SIPA1L3: variants seen among roughly 807,000 people sequenced by gnomAD.
The protein encoded by SIPA1L3 is signal-induced proliferation-associated 1-like protein 3.
Under a neutral mutation model 150.1 loss-of-function variants are expected in SIPA1L3, and 59 were observed. That is an observed-to-expected ratio of 0.39 (90% CI 0.32 to 0.49). The LOEUF (loss-of-function observed/expected upper bound fraction) is 0.49. Among genes scored for constraint, SIPA1L3 ranks in the 20% least tolerant of loss-of-function variants. SIPA1L3 has a pLI of 0.86. For synonymous variants in SIPA1L3, 1,070 were observed against 1,077.6 expected, an observed-to-expected ratio of 0.99 and a Z score of 0.14; for missense variants, 2,211 against 2,489.5, an observed-to-expected ratio of 0.89 and a Z score of 2.38.
chr19:37,992,712 C>T (rs1328166997), intron 1 of SIPA1L3, among the ~76,000 whole-genome samples: 1 of 152,086 alleles, frequency 6.6e-6, no homozygotes, highest in East Asian at 1.9e-4. Context: ...TGGTCAGCTA[C>T]TCCCCTTTGG....
At chr19:37,940,673 C>T (rs2046646179) in intron 1 of SIPA1L3, among the ~76,000 whole-genome samples, 2 of 152,032 alleles carry the variant, frequency 1.3e-5, no homozygotes, top group Non-Finnish European at 2.9e-5. Flanking sequence ...CTCCGTCTCC[C>T]GAGTTCAGGC....
At chr19:38,132,281 C>T (rs979762592) in intron 10 of SIPA1L3, among the ~76,000 whole-genome samples, 2 of 150,062 alleles carry the variant, frequency 1.3e-5, no homozygotes, top group Admixed American at 6.7e-5. Flanking sequence ...TCCTATTGGC[C>T]GGGTGTGGTG....
At chr19:38,086,863 A>C (rs1410629718) in intron 3 of SIPA1L3, among the ~76,000 whole-genome samples, 1 of 152,202 alleles carries the variant, frequency 6.6e-6, no homozygotes, top group Non-Finnish European at 1.5e-5. Flanking sequence ...GGTGGGGATC[A>C]GTGCATGGAA....
chr19:37,911,300 A>G (rs2046375396), intron 1 of SIPA1L3, among the ~76,000 whole-genome samples: 1 of 151,504 alleles, frequency 6.6e-6, no homozygotes, highest in African/African-American at 2.4e-5. Context: ...CTCCCATACC[A>G]TTCCCCAAAA....
intron 15 of SIPA1L3, among the ~76,000 whole-genome samples, chr19:38,169,119 T>G (rs1214866832): frequency 6.6e-6 from 1 of 152,208 alleles, no homozygotes; most frequent in African/African-American, 2.4e-5. Flanking sequence ...CCCGGCGCAG[T>G]GGCTCACGCC....
At chr19:38,011,310 A>G (rs542889248) in intron 1 of SIPA1L3, among the ~76,000 whole-genome samples, 1 of 152,076 alleles carries the variant, frequency 6.6e-6, no homozygotes, top group Admixed American at 6.6e-5. Context: ...CCCCCTCTCT[A>G]CAAAAAATAA....
chr19:38,052,844 C>T (rs1268950196), intron 2 of SIPA1L3, among the ~76,000 whole-genome samples: 1 of 152,212 alleles, frequency 6.6e-6, no homozygotes, highest in Non-Finnish European at 1.5e-5. Context: ...TTCCCCCTCC[C>T]ACACTCAGAG....
intron 16 of SIPA1L3, chr19:38,185,292 G>C (rs148646839): frequency 4.6e-5 from 7 of 152,344 alleles, no homozygotes; most frequent in Non-Finnish European, 8.8e-5. Flanking sequence ...CTGAACATAA[G>C]ACGTGTGGAT....
chr19:38,006,205 G>A (rs2145670320), intron 1 of SIPA1L3, among the ~76,000 whole-genome samples: 1 of 152,190 alleles, frequency 6.6e-6, no homozygotes, highest in Non-Finnish European at 1.5e-5. Flanking sequence ...CCAGGGTAGG[G>A]GTTGGGGACT....
At chr19:38,066,343 T>C (rs1200027015) in intron 2 of SIPA1L3, among the ~76,000 whole-genome samples, 1 of 152,086 alleles carries the variant, frequency 6.6e-6, no homozygotes, top group Non-Finnish European at 1.5e-5. Flanking sequence ...TACAGATACA[T>C]TGTATTCCCT....
intron 1 of SIPA1L3, among the ~76,000 whole-genome samples, chr19:37,958,059 C>T (rs1036331664): frequency 5.9e-5 from 9 of 152,272 alleles, no homozygotes; most frequent in Middle Eastern, 3.4e-3. Context: ...TAGGATGCCA[C>T]ACTTTGTATG....
At position 37,956,482 on chromosome 19, in the gene SIPA1L3, G is replaced by GTTTTTT. The variant is rs34804753; in HGVS notation, c.-379+49128_-379+49129insTTTTTT. Among the ~76,000 whole-genome samples, 15 of 126,894 alleles carry GTTTTTT rather than the reference G, an allele frequency of 1.2e-4. 1 individual carries two copies. Among genetic ancestry groups the GTTTTTT allele is most frequent in the East Asian group, 7.0e-4 (3 of 4,312 alleles). The allele number at this position is 126,894 out of a possible 152,430, so 83.2% of individuals were successfully genotyped here. A position where few individuals can be genotyped will look rare whatever the true frequency, so the allele number is the denominator to read the frequency against. Reference sequence around the variant, plus strand: ...TAGTCATGCCTTTGGAAGTATAAAAGTTTTGTTTTTTTTTTTTTTTGAGAC... The same window carrying GTTTTTT: ...TAGTCATGCCTTTGGAAGTATAAAAGTTTTTTTTTTGTTTTTTTTTTTTTTTGAGAC... On this transcript the variant is annotated intron_variant, in intron 1 of 21. Coordinates refer to ENST00000222345, the MANE Select transcript of SIPA1L3 (RefSeq NM_015073.3).
intron 8 of SIPA1L3, among the ~76,000 whole-genome samples, chr19:38,118,040 A>AT (rs1298160760): frequency 2.0e-5 from 3 of 151,994 alleles, no homozygotes; most frequent in Non-Finnish European, 2.9e-5. Context: ...TCCTTTATTA[A>AT]TTTTTTTTCT....
intron 3 of SIPA1L3, among the ~76,000 whole-genome samples, chr19:38,083,661 G>A (rs1970059951): frequency 6.6e-6 from 1 of 152,122 alleles, no homozygotes; most frequent in Admixed American, 6.5e-5. Flanking sequence ...TGTGCAAATT[G>A]CAGACACTGT....
chr19:38,001,776 A>G (rs1344921759), intron 1 of SIPA1L3, among the ~76,000 whole-genome samples: 2 of 152,260 alleles, frequency 1.3e-5, no homozygotes, highest in African/African-American at 4.8e-5. Context: ...GATAAAATGT[A>G]CATAACACAA....
chr19:38,109,792 GA>G, intron 7 of SIPA1L3: 1 of 163,772 alleles, frequency 6.1e-6, no homozygotes, highest in Admixed American at 5.7e-5. Flanking sequence ...ATGAAGTGGG[GA>G]AAGCCATCTC....
At chr19:37,921,803 A>G (rs943691506) in intron 1 of SIPA1L3, among the ~76,000 whole-genome samples, 4 of 151,404 alleles carry the variant, frequency 2.6e-5, no homozygotes, top group African/African-American at 9.7e-5. Flanking sequence ...GGTTCTTGCT[A>G]TGTTGTCGTG....
At chr19:37,961,449 TGTC>T (rs2046857756) in intron 1 of SIPA1L3, among the ~76,000 whole-genome samples, 1 of 152,182 alleles carries the variant, frequency 6.6e-6, no homozygotes, top group Non-Finnish European at 1.5e-5. Context: ...GGAAATGAGC[TGTC>T]ATTTGTACTG....
intron 2 of SIPA1L3, among the ~76,000 whole-genome samples, chr19:38,058,645 A>C (rs905126317): frequency 6.6e-6 from 1 of 152,150 alleles, no homozygotes; most frequent in East Asian, 1.9e-4. Flanking sequence ...GAGAAAGTGA[A>C]TCTCAAGCTA....
Sources: allele counts gnomAD v4.1 joint callset (sites outside exome capture counted in the v4.1 genomes callset), GRCh38; gene constraint gnomAD v4.1.1; transcripts MANE v1.5; gene names NCBI Gene and HGNC (gene_info 2026-07-23, HGNC 2026-07-21).